OPHN1: variants seen among roughly 807,000 people sequenced by gnomAD.
OPHN1 encodes oligophrenin-1.
Under a neutral mutation model 60.7 loss-of-function variants are expected in OPHN1, and 11 were observed. The observed-to-expected ratio is 0.18, with a 90% CI of 0.11 to 0.30. The LOEUF is 0.30. Ranked by LOEUF, OPHN1 falls within the 10% of genes least tolerant of loss-of-function variation. OPHN1 has a pLI of 1.00. For missense variants in OPHN1, 449 were observed against 611.0 expected (o/e 0.73, Z 2.80); for synonymous variants, 226 against 222.6 (o/e 1.02, Z -0.14).
intron 15 of OPHN1, among the ~76,000 whole-genome samples, chrX:68,184,372 A>C (rs2077452170): frequency 9.2e-6 from 1 of 108,848 alleles, no homozygotes; most frequent in Non-Finnish European, 1.9e-5. Flanking sequence ...AAATACAAAA[A>C]TTAGCCAGGT....
chrX:68,317,027 G>A (rs1035152774), intron 2 of OPHN1, among the ~76,000 whole-genome samples: 3 of 110,490 alleles, frequency 2.7e-5, no homozygotes, highest in African/African-American at 6.6e-5. Flanking sequence ...GGCTGGGCAC[G>A]GTGGCACAAG....
intron 7 of OPHN1, 34 bp from the exon 8 acceptor site, chrX:68,212,246 A>T: frequency 1.1e-6 from 1 of 946,703 alleles, no homozygotes; most frequent in Non-Finnish European, 1.5e-6. Context: ...CTTTATCACC[A>T]GCATCTTCTA....
chrX:68,226,701 G>A lies in OPHN1; in HGVS notation c.486+7786C>T, dbSNP rs757420964. Among the ~76,000 whole-genome samples the A allele has an allele frequency of 3.6e-5, 4 of 111,515 alleles. No homozygotes were observed. The South Asian group carries it at 1.5e-3, about 42-fold the overall frequency. On this transcript the variant is annotated intron_variant, in intron 6 of 24. Transcript: ENST00000355520. ...ATGCTGAGAGATTCTGTCACTACCA[G>A]TCCTGCCTTACAAGAGCTCCTAAAG...
At chrX:68,425,706 G>T (rs2078850720) in intron 2 of OPHN1, among the ~76,000 whole-genome samples, 1 of 104,763 alleles carries the variant, frequency 9.5e-6, no homozygotes, top group Non-Finnish European at 1.9e-5. Context: ...TAAAACTATA[G>T]AATTATTTCT....
chrX:68,377,258 G>A (rs1450960718), intron 2 of OPHN1, among the ~76,000 whole-genome samples: 4 of 108,080 alleles, frequency 3.7e-5, no homozygotes, highest in African/African-American at 1.0e-4. Flanking sequence ...TACCACGCCC[G>A]GCTAATTCTT....
intron 2 of OPHN1, among the ~76,000 whole-genome samples, chrX:68,323,782 A>G (rs1206906119): frequency 8.9e-6 from 1 of 112,318 alleles, no homozygotes; most frequent in Non-Finnish European, 1.9e-5. Flanking sequence ...GAAATTGACT[A>G]TACATCATGA....
chrX:68,317,491 G>A (rs866714720), intron 2 of OPHN1, among the ~76,000 whole-genome samples: 5 of 80,551 alleles, frequency 6.2e-5, no homozygotes, highest in Admixed American at 1.3e-4. Context: ...GGGAGAGAGG[G>A]AGGGAGAGAG....
chrX:68,366,546 G>T (rs1416749824), intron 2 of OPHN1, among the ~76,000 whole-genome samples: 1 of 110,467 alleles, frequency 9.1e-6, no homozygotes, highest in Non-Finnish European at 1.9e-5. Flanking sequence ...TAGAGTCAGG[G>T]TGTCACTATG....
At chrX:68,346,690 T>C (rs2078380772) in intron 2 of OPHN1, among the ~76,000 whole-genome samples, 1 of 112,148 alleles carries the variant, frequency 8.9e-6, no homozygotes, top group African/African-American at 3.2e-5. Context: ...AAGGTCCCTA[T>C]TAATTGTCCA....
chrX:68,307,655 G>T (rs1462389603), intron 2 of OPHN1, among the ~76,000 whole-genome samples: 7 of 110,784 alleles, frequency 6.3e-5, no homozygotes, highest in Non-Finnish European at 1.3e-4. Context: ...TGAAGCTCAA[G>T]TCCTAATTAG....
intron 2 of OPHN1, among the ~76,000 whole-genome samples, chrX:68,402,811 A>C (rs911885648): frequency 3.4e-4 from 38 of 111,845 alleles, no homozygotes; most frequent in Non-Finnish European, 3.4e-4. Flanking sequence ...GGTTCCACAT[A>C]TGGCCAGTAG....
chrX:68,115,326 T>C (rs185296317), intron 16 of OPHN1, among the ~76,000 whole-genome samples: 39 of 112,307 alleles, frequency 3.5e-4, no homozygotes, highest in African/African-American at 1.1e-3. Context: ...GTGTTTAATA[T>C]GAAAATAGTC....
Position 68,203,161 on chromosome X carries a change from A to T in OPHN1, c.934-1451T>A, listed in dbSNP as rs112274069. On this transcript the variant is annotated intron_variant, in intron 10 of 24. Transcript: ENST00000355520. ...TCCCAGCTACTTGGGAGGCTGAGGC[A>T]GGAGAATCGCTTGAAACCGGGAGGC... is the stretch of plus-strand genomic sequence containing the variant. Among the ~76,000 whole-genome samples the T allele has an allele frequency of 6.9e-3, 773 of 111,503 alleles. 9 individuals carry two copies. The highest frequency in any genetic ancestry group is 0.024 in the African/African-American group (739 of 30,676).
intron 2 of OPHN1, among the ~76,000 whole-genome samples, chrX:68,327,292 T>A (rs754471746): frequency 1.4e-4 from 1 of 7,209 alleles, no homozygotes; most frequent in Non-Finnish European, 2.0e-4. Context: ...CAGCGGCTCA[T>A]TGGGGATGGG....
At chrX:68,130,781 G>A (rs1343267912) in intron 15 of OPHN1, among the ~76,000 whole-genome samples, 1 of 111,606 alleles carries the variant, frequency 9.0e-6, no homozygotes, top group Non-Finnish European at 1.9e-5. Context: ...AGAAATCTCA[G>A]CAAGATATCA....
intron 2 of OPHN1, among the ~76,000 whole-genome samples, chrX:68,324,729 T>A (rs2078252005): frequency 9.0e-6 from 1 of 110,649 alleles, no homozygotes; most frequent in Non-Finnish European, 1.9e-5. Flanking sequence ...AGAAAAAATG[T>A]GCATGAATTT....
chrX:68,156,304 T>TAAA (rs375927931), intron 15 of OPHN1, among the ~76,000 whole-genome samples: 16 of 65,738 alleles, frequency 2.4e-4, no homozygotes, highest in African/African-American at 8.0e-4. Context: ...AAGGAAGAGG[T>TAAA]AAAAAAAAAA....
intron 6 of OPHN1, among the ~76,000 whole-genome samples, chrX:68,227,817 T>C (rs1481268382): frequency 2.7e-5 from 3 of 110,587 alleles, no homozygotes; most frequent in Admixed American, 9.7e-5. Context: ...AGATCTAAAA[T>C]TGACACCCTA....
intron 2 of OPHN1, among the ~76,000 whole-genome samples, chrX:68,337,796 C>CAAAAAAAAAAAAAAAAA: frequency 1.6e-5 from 1 of 62,801 alleles, no homozygotes; most frequent in Non-Finnish European, 3.3e-5. Context: ...CACTCCAAAC[C>CAAAAAAAAAAAAAAAAA]AAAAAAAAAA....
Sources: allele counts gnomAD v4.1 joint callset (sites outside exome capture counted in the v4.1 genomes callset), GRCh38; gene constraint gnomAD v4.1.1; transcripts MANE v1.5; gene names NCBI Gene and HGNC (gene_info 2026-07-23, HGNC 2026-07-21).